The following RALYL variants were observed in gnomAD, a reference collection of about 807,000 sequenced individuals.
RALYL encodes the protein RALY RNA binding protein like.
RALYL carries 29 observed loss-of-function variants against 35.1 expected under a neutral mutation model. The observed-to-expected ratio is 0.83, with a 90% CI of 0.61 to 1.13. The LOEUF (loss-of-function observed/expected upper bound fraction) is 1.13. RALYL is among the 50% of genes most tolerant of loss of function. The pLI, the probability that RALYL is intolerant of heterozygous loss-of-function variation, is 0.00. For missense variants in RALYL, 359 were observed against 360.4 expected, an observed-to-expected ratio of 1.00 and a Z score of 0.03; for synonymous variants, 120 against 127.6, an observed-to-expected ratio of 0.94 and a Z score of 0.40.
chr8:84,806,954 T>G (rs1319987495), intron 4 of RALYL, among the ~76,000 whole-genome samples: 2 of 152,020 alleles, frequency 1.3e-5, no homozygotes, highest in African/African-American at 2.4e-5. Context: ...CGGGCTACAA[T>G]GAACCGAGAT....
At chr8:84,537,989 G>A (rs2059737839) in intron 2 of RALYL, among the ~76,000 whole-genome samples, 2 of 152,076 alleles carry the variant, frequency 1.3e-5, no homozygotes, top group Non-Finnish European at 2.9e-5. Flanking sequence ...CAATTAATAA[G>A]TAATAAAAAC....
intron 2 of RALYL, among the ~76,000 whole-genome samples, chr8:84,533,311 T>C (rs1564099251): frequency 6.6e-6 from 1 of 152,154 alleles, no homozygotes; most frequent in Non-Finnish European, 1.5e-5. Context: ...ATATGCGAGA[T>C]AAAAACATTT....
At chr8:84,297,864 T>A (rs905077319) in intron 1 of RALYL, among the ~76,000 whole-genome samples, 1 of 152,134 alleles carries the variant, frequency 6.6e-6, no homozygotes, top group East Asian at 1.9e-4. Flanking sequence ...AGTGACTGTT[T>A]ATGCACTCTG....
intron 2 of RALYL, among the ~76,000 whole-genome samples, chr8:84,754,999 T>G (rs1045631330): frequency 1.3e-5 from 2 of 152,140 alleles, no homozygotes; most frequent in Non-Finnish European, 2.9e-5. Flanking sequence ...GAGCTAGAAT[T>G]TGATCCAAGG....
Position 84,213,951 on chromosome 8 carries a change from A to AT in RALYL, c.-24+29527_-24+29528insT, listed in dbSNP as rs1820166464. Among the ~76,000 whole-genome samples the AT allele has an allele frequency of 3.9e-5, 6 of 152,278 alleles. No individual in the cohort carries two copies. In the South Asian group the frequency reaches 1.0e-3, roughly 26 times the overall value. ...TTTTCATTGATATTATTGGAATTTG[A>AT]ATGAAGAAAATGTGAACAGAGTTTA... is the stretch of plus-strand genomic sequence containing the variant. On this transcript the variant is annotated intron_variant, in intron 1 of 8. Transcript: ENST00000521268.
chr8:84,199,081 A>G (rs1392369737), intron 1 of RALYL, among the ~76,000 whole-genome samples: 1 of 152,176 alleles, frequency 6.6e-6, no homozygotes, highest in Non-Finnish European at 1.5e-5. Flanking sequence ...ACCGTTTTCC[A>G]TAGTGGTTGT....
intron 1 of RALYL, among the ~76,000 whole-genome samples, chr8:84,365,692 G>A (rs575703785): frequency 6.6e-6 from 1 of 152,146 alleles, no homozygotes; most frequent in Non-Finnish European, 1.5e-5. Context: ...ACTCAATACT[G>A]ATATCATATT....
intron 1 of RALYL, among the ~76,000 whole-genome samples, chr8:84,381,980 T>A (rs756560420): frequency 6.6e-5 from 10 of 151,900 alleles, no homozygotes; most frequent in Middle Eastern, 3.4e-3. Context: ...TTATTGATGA[T>A]TGGAAATATA....
rs535322470 is a variant in RALYL at position 84,693,313 on chromosome 8, A to G, written c.257-81266A>G. Among the ~76,000 whole-genome samples the G allele has an allele frequency of 3.0e-4, 46 of 151,964 alleles. 1 individual carries two copies. In the South Asian group the frequency reaches 9.5e-3, roughly 32 times the overall value. ...CTGGGGAGGCCTCACAAAACTTACA[A>G]TCATGCAGAAGGGGAAGCAAACACG... On this transcript the variant is annotated intron_variant, in intron 2 of 8. Coordinates refer to ENST00000521268, the MANE Select transcript of RALYL (RefSeq NM_173848.7).
chr8:84,542,333 G>A (rs1297942118), intron 2 of RALYL, among the ~76,000 whole-genome samples: 2 of 151,986 alleles, frequency 1.3e-5, no homozygotes, highest in Admixed American at 6.6e-5. Context: ...GTGTGTATAT[G>A]TATAATATAT....
rs547349013 is a variant in RALYL, at chr8:84,319,832, T to C, written c.-24+135408T>C. ...GTTTCTGTTACCCTTCCAAGGAAGA[T>C]GTATCTTCTGAACTGTAGTCATAAT... On this transcript the variant is annotated intron_variant, in intron 1 of 8. Coordinates refer to ENST00000521268, the MANE Select transcript of RALYL (RefSeq NM_173848.7). 3.3e-5 allele frequency among the ~76,000 whole-genome samples: 5 copies of C among 151,500 alleles called. No homozygotes were observed. The East Asian group carries it at 7.8e-4, about 24-fold the overall frequency.
At chr8:84,427,517 T>C (rs572562406) in intron 1 of RALYL, among the ~76,000 whole-genome samples, 4 of 152,228 alleles carry the variant, frequency 2.6e-5, no homozygotes, top group Admixed American at 2.0e-4. Flanking sequence ...TGACCCACAG[T>C]ATGATATCAA....
Position 84,529,466 on chromosome 8 carries a change from G to C in RALYL, c.145G>C (p.Val49Leu). 6.2e-7 allele frequency: 1 copy of C among 1,613,764 alleles called. No individual in the cohort carries two copies. Among genetic ancestry groups the C allele is most frequent in the Non-Finnish European group, 8.5e-7 (1 of 1,179,824 alleles). Reference sequence around the variant, plus strand: ...CATTTTTTCAAAGTATGGAAAAATAGTTGGATGTTCCGTTCACAAAGGTTA... The same window carrying C: ...CATTTTTTCAAAGTATGGAAAAATACTTGGATGTTCCGTTCACAAAGGTTA... ...EAIFSKYGKI[V>L]GCSVHKGYAF... Residue 49 changes from valine (V) to leucine (L), a missense_variant, in exon 2 of 9, where the codon GTT (valine) becomes CTT (leucine). Transcript: ENST00000521268.
At chr8:84,847,117 C>T (rs1020369541) in intron 4 of RALYL, among the ~76,000 whole-genome samples, 2 of 152,208 alleles carry the variant, frequency 1.3e-5, no homozygotes, top group Non-Finnish European at 2.9e-5. Flanking sequence ...GCACCTGTGG[C>T]CATGTCTTGC....
Position 84,778,922 on chromosome 8 carries a change from C to T in RALYL, c.332+4268C>T, listed in dbSNP as rs546056843. 4.6e-5 allele frequency among the ~76,000 whole-genome samples: 7 copies of T among 151,780 alleles called. No individual in the cohort carries two copies. In the East Asian group the frequency reaches 5.8e-4, roughly 13 times the overall value. On this transcript the variant is annotated intron_variant, in intron 3 of 8. Transcript: ENST00000521268. ...GCAATGGCAGGCTCAGGTGTAAGATCGAGGAAAGGGAGCAAAAAGGAATTA... is the reference window on the plus strand; with the variant it reads ...GCAATGGCAGGCTCAGGTGTAAGATTGAGGAAAGGGAGCAAAAAGGAATTA...
chr8:84,621,098 T>G (rs1210963718), intron 2 of RALYL, among the ~76,000 whole-genome samples: 3 of 152,214 alleles, frequency 2.0e-5, no homozygotes, highest in South Asian at 4.1e-4. Context: ...CAGGCCTCCT[T>G]GAGCTGTGGT....
intron 1 of RALYL, among the ~76,000 whole-genome samples, chr8:84,423,307 C>T (rs1389554016): frequency 2.7e-5 from 4 of 150,272 alleles, no homozygotes; most frequent in Non-Finnish European, 4.4e-5. Flanking sequence ...TATGTAATGG[C>T]CTTCTTTGTC....
At chr8:84,406,590 A>T (rs998408776) in intron 1 of RALYL, among the ~76,000 whole-genome samples, 1 of 151,948 alleles carries the variant, frequency 6.6e-6, no homozygotes, top group Non-Finnish European at 1.5e-5. Context: ...TTTTCTTTTG[A>T]TATAACCATT....
At chr8:84,233,924 CTG>C (rs1452553486) in intron 1 of RALYL, among the ~76,000 whole-genome samples, 1 of 152,144 alleles carries the variant, frequency 6.6e-6, no homozygotes, top group Non-Finnish European at 1.5e-5. Flanking sequence ...CAGATGAAAA[CTG>C]TGAAACTTGT....
Sources: allele counts gnomAD v4.1 joint callset (sites outside exome capture counted in the v4.1 genomes callset), GRCh38; gene constraint gnomAD v4.1.1; transcripts MANE v1.5; gene names NCBI Gene and HGNC (gene_info 2026-07-23, HGNC 2026-07-21).